ZNG1B: variants seen among roughly 807,000 people sequenced by gnomAD.
ZNG1B encodes the protein zinc-regulated GTPase metalloprotein activator 1B.
At chr2:113,441,110 TGAA>T in the ZNG1B span, among the ~76,000 whole-genome samples, 1 of 152,164 alleles carries the variant, frequency 6.6e-6, no homozygotes, top group Non-Finnish European at 1.5e-5. Flanking sequence ...TAGGCTAGGT[TGAA>T]GAAACTGTTT....
chr2:113,470,698 TA>T, the ZNG1B span: 1 of 316,648 alleles, frequency 3.2e-6, no homozygotes, highest in Non-Finnish European at 5.9e-6. Context: ...TTGTTAATTC[TA>T]TTTGTCATTT....
chr2:113,462,229 G>A, the ZNG1B span, among the ~76,000 whole-genome samples: 30 of 152,262 alleles, frequency 2.0e-4, 1 homozygote, highest in South Asian at 4.4e-3. Context: ...AACAATTAGC[G>A]GATTAGGAGT....
chr2:113,457,731 T>G, the ZNG1B span, among the ~76,000 whole-genome samples: 3 of 140,790 alleles, frequency 2.1e-5, 1 homozygote, highest in African/African-American at 7.6e-5. Context: ...AGTTAACCTA[T>G]CCATCACCTC....
the ZNG1B span, chr2:113,481,931 T>A: frequency 1.4e-5 from 7 of 494,030 alleles, no homozygotes; most frequent in Non-Finnish European, 2.5e-5. Flanking sequence ...AAAAGACTAG[T>A]TTTTCTCTTT....
At chr2:113,495,377 T>C in the ZNG1B span, 1 of 1,153,314 alleles carries the variant, frequency 8.7e-7, no homozygotes, top group African/African-American at 1.8e-5. Context: ...GTGGTCAATG[T>C]TTCATCTTTA....
the ZNG1B span, among the ~76,000 whole-genome samples, chr2:113,458,689 CAT>C: frequency 7.7e-6 from 1 of 129,422 alleles, no homozygotes. Flanking sequence ...ATTCTTCTGT[CAT>C]ATCATTTTTA....
At chr2:113,472,632 G>A in the ZNG1B span, among the ~76,000 whole-genome samples, 2 of 152,124 alleles carry the variant, frequency 1.3e-5, no homozygotes, top group Non-Finnish European at 2.9e-5. Flanking sequence ...GAACGTTTAA[G>A]TCTTTAATCC....
At chr2:113,472,426 T>G in the ZNG1B span, among the ~76,000 whole-genome samples, 2 of 151,752 alleles carry the variant, frequency 1.3e-5, no homozygotes, top group East Asian at 1.9e-4. Context: ...TTTCTCCCAT[T>G]TTGTAGGTTG....
At chr2:113,438,118 A>G in the ZNG1B span, 3 of 1,606,278 alleles carry the variant, frequency 1.9e-6, no homozygotes, top group Non-Finnish European at 1.7e-6. Context: ...TTGGGGCCTC[A>G]TGATCAAGAG....
At chr2:113,471,238 G>A in the ZNG1B span, 1 of 1,314,804 alleles carries the variant, frequency 7.6e-7, no homozygotes, top group Admixed American at 2.1e-5. Flanking sequence ...TATATTCTTG[G>A]AAGTTTTACT....
the ZNG1B span, chr2:113,437,812 G>C: frequency 4.4e-6 from 7 of 1,606,026 alleles, no homozygotes; most frequent in Non-Finnish European, 4.3e-6. Flanking sequence ...GCGCGGCTGC[G>C]GTACGGCGTG....
chr2:113,457,012 A>C, the ZNG1B span: 21 of 454,522 alleles, frequency 4.6e-5, no homozygotes, highest in Admixed American at 4.9e-4. Context: ...ATGGGGTATC[A>C]TGCTAATGGG....
chr2:113,438,768 A>G, the ZNG1B span, among the ~76,000 whole-genome samples: 2 of 152,214 alleles, frequency 1.3e-5, no homozygotes, highest in Non-Finnish European at 2.9e-5. Flanking sequence ...AAGGGCTAGA[A>G]CAAATATATG....
the ZNG1B span, chr2:113,469,356 G>A: frequency 5.4e-5 from 8 of 147,828 alleles, no homozygotes; most frequent in African/African-American, 2.0e-4. Flanking sequence ...GGCCAGGTTG[G>A]TGTCAAACTC....
At chr2:113,481,599 T>A in the ZNG1B span, 1 of 152,210 alleles carries the variant, frequency 6.6e-6, no homozygotes, top group Non-Finnish European at 1.5e-5. Context: ...CATGTTGATC[T>A]TCTTGTGCTT....
chr2:113,493,083 G>A, the ZNG1B span, among the ~76,000 whole-genome samples: 2 of 132,146 alleles, frequency 1.5e-5, no homozygotes, highest in South Asian at 5.1e-4. Context: ...ATAAATCCTA[G>A]AGTTAATATT....
the ZNG1B span, among the ~76,000 whole-genome samples, chr2:113,479,935 C>T: frequency 1.3e-5 from 2 of 151,850 alleles, no homozygotes; most frequent in Admixed American, 6.6e-5. Flanking sequence ...CGTCTTCCCA[C>T]CTCAGACTCA....
At chr2:113,472,238 T>C in the ZNG1B span, among the ~76,000 whole-genome samples, 5 of 152,250 alleles carry the variant, frequency 3.3e-5, no homozygotes, top group East Asian at 9.7e-4. Flanking sequence ...TGGCCAGTGA[T>C]GGTGAGCATT....
chr2:113,445,913 G>A, the ZNG1B span, among the ~76,000 whole-genome samples: 4 of 151,610 alleles, frequency 2.6e-5, no homozygotes, highest in African/African-American at 9.7e-5. Flanking sequence ...AAATATTGAA[G>A]TATCCTGAGA....
Sources: gnomAD v4.1 joint callset for allele counts (sites outside exome capture counted in the v4.1 genomes callset) on GRCh38, gnomAD v4.1.1 for gene constraint, MANE v1.5 for transcripts, NCBI Gene and HGNC (gene_info 2026-07-23, HGNC 2026-07-21) for gene names.